Variants in ACVR1 observed in about 807,000 individuals in gnomAD.
The protein encoded by ACVR1 is activin receptor type-1.
Under a neutral mutation model 57.1 loss-of-function variants are expected in ACVR1, and 38 were observed. That is an observed-to-expected ratio of 0.67 (90% CI 0.51 to 0.87). ACVR1 has a LOEUF of 0.87. Ranked by LOEUF, ACVR1 falls within the 40% of genes least tolerant of loss-of-function variation. The probability of loss-of-function intolerance (pLI) is 0.00; values close to 1 mark genes in which losing one functional copy is unlikely to be tolerated. For missense variants in ACVR1, 463 were observed against 638.2 expected (o/e 0.73, Z 2.96); for synonymous variants, 212 against 228.1 (o/e 0.93, Z 0.63).
intron 9 of ACVR1, among the ~76,000 whole-genome samples, chr2:157,738,890 G>A (rs1261930478): frequency 6.6e-6 from 1 of 152,170 alleles, no homozygotes; most frequent in African/African-American, 2.4e-5. Context: ...ACAGGGCACT[G>A]GAGACATAGA....
chr2:157,816,373 C>T (rs1296682267), intron 2 of ACVR1, among the ~76,000 whole-genome samples: 1 of 150,396 alleles, frequency 6.6e-6, no homozygotes, highest in African/African-American at 2.5e-5. Flanking sequence ...TACTTGAGGC[C>T]AGCAGTTCAA....
chr2:157,856,138 G>C (rs1558849116), intron 1 of ACVR1, among the ~76,000 whole-genome samples: 1 of 152,070 alleles, frequency 6.6e-6, no homozygotes, highest in East Asian at 1.9e-4. Context: ...AGTAGAGGTA[G>C]AAAAAAAGTG....
chr2:157,743,653 C>T (rs1013193236), intron 9 of ACVR1, among the ~76,000 whole-genome samples: 6 of 151,034 alleles, frequency 4.0e-5, no homozygotes, highest in African/African-American at 1.5e-4. Flanking sequence ...AGGAGTATCC[C>T]CATGATCAAA....
intron 6 of ACVR1, among the ~76,000 whole-genome samples, chr2:157,771,067 A>G (rs532011078): frequency 6.6e-6 from 1 of 152,350 alleles, no homozygotes; most frequent in South Asian, 2.1e-4. Flanking sequence ...AGGATTAAAA[A>G]ACAAAAACAA....
intron 5 of ACVR1, among the ~76,000 whole-genome samples, chr2:157,777,070 T>C (rs779613404): frequency 2.0e-5 from 3 of 152,216 alleles, no homozygotes; most frequent in Non-Finnish European, 4.4e-5. Context: ...AGAATGTTAT[T>C]ATTTTTTCTT....
intron 2 of ACVR1, among the ~76,000 whole-genome samples, chr2:157,805,449 G>A (rs922060103): frequency 2.6e-5 from 4 of 152,034 alleles, no homozygotes; most frequent in East Asian, 3.9e-4. Context: ...TCTAACCTAC[G>A]CTTGCTCACC....
chr2:157,795,377 AAC>A (rs4029027), intron 3 of ACVR1, among the ~76,000 whole-genome samples: 13,787 of 133,898 alleles, frequency 0.1, 679 homozygotes, highest in Non-Finnish European at 0.11. Flanking sequence ...CCTTCCATAG[AAC>A]ACACACACAC....
At position 157,787,671 on chromosome 2, in the gene ACVR1, G is replaced by A. The variant is rs183854728; in HGVS notation, c.68-7071C>T. Among the ~76,000 whole-genome samples, 371 of 152,332 alleles carry A rather than the reference G, an allele frequency of 2.4e-3. 2 individuals are homozygous for A. Among genetic ancestry groups the A allele is most frequent in the Non-Finnish European group, 2.9e-3 (199 of 68,038 alleles). ...TGTTCGCGCCACAGGAAGAATGGTT[G>A]ATTCTGAGGAATCACTTTTCGTTGT... On this transcript the variant is annotated intron_variant, in intron 3 of 10. Coordinates refer to ENST00000434821, the MANE Select transcript of ACVR1 (RefSeq NM_001111067.4).
intron 9 of ACVR1, among the ~76,000 whole-genome samples, chr2:157,760,671 GT>G (rs1314142769): frequency 6.6e-6 from 1 of 152,050 alleles, no homozygotes; most frequent in Non-Finnish European, 1.5e-5. Flanking sequence ...AGAAATACTG[GT>G]TTTCAACCAT....
At chr2:157,810,317 G>C (rs914831778) in intron 2 of ACVR1, among the ~76,000 whole-genome samples, 5 of 152,126 alleles carry the variant, frequency 3.3e-5, no homozygotes, top group African/African-American at 1.2e-4. Context: ...TTTAACATGA[G>C]GCAAGGAAAT....
intron 7 of ACVR1, among the ~76,000 whole-genome samples, chr2:157,768,279 C>T (rs1338635529): frequency 6.6e-6 from 1 of 152,066 alleles, no homozygotes; most frequent in Non-Finnish European, 1.5e-5. Context: ...CAATATGCAT[C>T]AAAATGTGTT....
intron 3 of ACVR1, among the ~76,000 whole-genome samples, chr2:157,793,773 A>C (rs1687009072): frequency 6.6e-6 from 1 of 152,210 alleles, no homozygotes; most frequent in East Asian, 1.9e-4. Context: ...TGAGAAAATC[A>C]AAGAAAGGCT....
chr2:157,856,175 ATAAT>A (rs763738517), intron 1 of ACVR1, among the ~76,000 whole-genome samples: 126 of 152,276 alleles, frequency 8.3e-4, no homozygotes, highest in Non-Finnish European at 1.3e-3. Flanking sequence ...TCCTGTGGCT[ATAAT>A]TAAAGTTGAA....
intron 1 of ACVR1, among the ~76,000 whole-genome samples, chr2:157,855,561 A>T (rs1433195732): frequency 6.6e-6 from 1 of 151,980 alleles, no homozygotes; most frequent in Non-Finnish European, 1.5e-5. Context: ...TGGCATTTTT[A>T]GGTTTTAAAT....
intron 2 of ACVR1, among the ~76,000 whole-genome samples, chr2:157,808,878 T>TAA (rs1166423676): frequency 1.2e-5 from 1 of 84,684 alleles, no homozygotes; most frequent in East Asian, 6.9e-4. Flanking sequence ...AGTAATACAT[T>TAA]TAAAAAAAAA....
intron 9 of ACVR1, among the ~76,000 whole-genome samples, chr2:157,743,160 T>G (rs747549646): frequency 4.6e-5 from 7 of 152,292 alleles, no homozygotes; most frequent in East Asian, 1.9e-4. Context: ...GGTCAAGTTT[T>G]ATTTCTCATT....
intron 9 of ACVR1, among the ~76,000 whole-genome samples, chr2:157,746,995 C>T (rs80106373): frequency 0.015 from 2,261 of 152,146 alleles, 34 homozygotes; most frequent in Non-Finnish European, 0.023. Context: ...AAAAATGCAA[C>T]ATATTTTTAT....
chr2:157,749,151 T>C (rs1033980143), intron 9 of ACVR1, among the ~76,000 whole-genome samples: 1 of 152,256 alleles, frequency 6.6e-6, no homozygotes, highest in African/African-American at 2.4e-5. Context: ...GATTCTGCTA[T>C]AAAAACCACT....
At chr2:157,753,842 T>C (rs1264706840) in intron 9 of ACVR1, among the ~76,000 whole-genome samples, 2 of 152,156 alleles carry the variant, frequency 1.3e-5, no homozygotes, top group Non-Finnish European at 2.9e-5. Flanking sequence ...TTCTCCAAGA[T>C]AGACCATATG....
Sources: allele counts gnomAD v4.1 joint callset (sites outside exome capture counted in the v4.1 genomes callset), GRCh38; gene constraint gnomAD v4.1.1; transcripts MANE v1.5; gene names NCBI Gene and HGNC (gene_info 2026-07-23, HGNC 2026-07-21).